The following IRF4 variants were observed in gnomAD, a reference collection of about 807,000 sequenced individuals.
IRF4 encodes the protein interferon regulatory factor 4.
In IRF4, 13 loss-of-function variants were observed where a neutral mutation model predicts 55.5. The ratio of observed to expected loss-of-function variants is 0.23; its 90% CI spans 0.15 to 0.37. The LOEUF (loss-of-function observed/expected upper bound fraction) is 0.37, where lower values mean the gene tolerates loss of function less well. Ranked by LOEUF, IRF4 falls within the 10% of genes least tolerant of loss-of-function variation. IRF4 has a pLI of 1.00. For missense variants in IRF4, 397 were observed against 593.8 expected, an observed-to-expected ratio of 0.67 and a Z score of 3.44; for synonymous variants, 249 against 240.7, an observed-to-expected ratio of 1.03 and a Z score of -0.32.
Position 404,637 on chromosome 6 carries a change from A to G in IRF4, c.1100-381A>G, listed in dbSNP as rs368433545. 3.6e-4 allele frequency among the ~76,000 whole-genome samples: 55 copies of G among 152,360 alleles called. 3 individuals are homozygous for G. Among genetic ancestry groups the G allele is most frequent in the African/African-American group, 1.3e-3 (52 of 41,578 alleles). ...TCGAAACATTCTGATTTTTTAAATG[A>G]AAACTTGTCCATGGCATAAATTGGT... On this transcript the variant is annotated intron_variant, in intron 7 of 8. Transcript: ENST00000380956.
intron 7 of IRF4, among the ~76,000 whole-genome samples, chr6:403,904 G>A (rs536433583): frequency 6.6e-6 from 1 of 151,954 alleles, no homozygotes; most frequent in South Asian, 2.1e-4. Context: ...TCACGGCAGT[G>A]TGAATGTATT....
chr6:404,969 C>A (rs372284220), intron 7 of IRF4, 49 bp from the exon 8 acceptor site: 35 of 1,166,240 alleles, frequency 3.0e-5, no homozygotes, highest in Non-Finnish European at 4.5e-5. Context: ...CTGGTGTGTT[C>A]GGTGATGAGG....
At chr6:391,951 C>T in intron 1 of IRF4, 142 bp downstream of exon 1, 1 of 431,340 alleles carries the variant, frequency 2.3e-6, no homozygotes, top group Non-Finnish European at 4.7e-6. Flanking sequence ...CGTCCTGGAG[C>T]TCCGACTCCC....
intron 2 of IRF4, among the ~76,000 whole-genome samples, chr6:394,118 G>T: frequency 6.6e-6 from 1 of 152,132 alleles, no homozygotes; most frequent in Admixed American, 6.5e-5. Context: ...AGGGGAAGGG[G>T]ACTTCCTCCG....
Position 400,978 on chromosome 6 carries a change from T to G in IRF4, c.746-446T>G, listed in dbSNP as rs184052347. Among the ~76,000 whole-genome samples, 67 of 152,286 alleles carry G rather than the reference T, an allele frequency of 4.4e-4. 1 individual carries two copies. In the East Asian group the frequency reaches 9.2e-3, roughly 21 times the overall value. On this transcript the variant is annotated intron_variant, in intron 6 of 8. Coordinates refer to ENST00000380956, the MANE Select transcript of IRF4 (RefSeq NM_002460.4). The stretch of plus-strand genomic sequence containing the variant: ...AAAAATTGATTTGCTTAAAGATGAA[T>G]TTTCATTCAGTGACACATGACTTAA...
At chr6:403,838 T>G (rs1761472790) in intron 7 of IRF4, among the ~76,000 whole-genome samples, 1 of 152,206 alleles carries the variant, frequency 6.6e-6, no homozygotes, top group African/African-American at 2.4e-5. Flanking sequence ...CCATGCTTTC[T>G]CAGAGAATTG....
Position 401,424 on chromosome 6 carries a change from A to T in IRF4, c.746A>T (p.Asp249Val). 6.2e-7 allele frequency: 1 copy of T among 1,609,966 alleles called. No homozygotes were observed. The highest frequency in any genetic ancestry group is 8.5e-7 in the Non-Finnish European group (1 of 1,178,530). The change falls in exon 7 of 9, where the codon GAC (aspartate) becomes GTC (valine). Residue 249 changes from aspartate to valine, a missense_variant and splice_region_variant. Physicochemically the swap from Asp to Val is radical, Grantham distance 152. Coordinates refer to ENST00000380956, the MANE Select transcript of IRF4 (RefSeq NM_002460.4). ...IRSAEALAFS[D>V]CRLHICLYYR... ...TGACTCCGGAGCTCTGTGTTTGCAG[A>T]CTGCCGGCTGCACATCTGCCTGTAC... is the stretch of plus-strand genomic sequence containing the variant.
intron 7 of IRF4, among the ~76,000 whole-genome samples, chr6:403,194 G>A (rs1010447244): frequency 6.6e-6 from 1 of 152,204 alleles, no homozygotes; most frequent in African/African-American, 2.4e-5. Flanking sequence ...TGGCCAGGGC[G>A]GTCCCATCCT....
intron 5 of IRF4, among the ~76,000 whole-genome samples, chr6:398,385 T>C (rs1471442136): frequency 1.3e-5 from 2 of 152,246 alleles, no homozygotes; most frequent in African/African-American, 4.8e-5. Flanking sequence ...CATGGTTCAG[T>C]GTTCTCCCAA....
chr6:393,425 C>CCG lies in IRF4; in HGVS notation c.216+57_216+58insCG. The stretch of plus-strand genomic sequence containing the variant: ...CCGGGGAGGGCCCAGAGACAGAGCC[C>CCG]GGGGTCCCCGGCGCCGCCTCCGAGG... On this transcript the variant is annotated intron_variant, in intron 2 of 8. Coordinates refer to ENST00000380956, the MANE Select transcript of IRF4 (RefSeq NM_002460.4). This position sits in a 1 kb window ranked among gnomAD's most constrained non-coding sequence, Gnocchi z 5.4. The CCG allele has an allele frequency of 1.2e-5, 5 of 420,536 alleles. No individual in the cohort carries two copies. Among genetic ancestry groups the CCG allele is most frequent in the Non-Finnish European group, 1.6e-5 (4 of 249,548 alleles). The allele number at this position is 420,536 out of a possible 1,614,324, so 26.1% of individuals were successfully genotyped here.
At chr6:401,899 A>G (rs866337341) in intron 7 of IRF4, 122 bp downstream of exon 7, 4 of 819,234 alleles carry the variant, frequency 4.9e-6, no homozygotes, top group Non-Finnish European at 5.9e-6. Context: ...TTCGGCGCCC[A>G]CTGGGCTTGG....
Position 393,063 on chromosome 6 carries a change from G to T in IRF4, c.-55-35G>T, listed in dbSNP as rs1288218782. The T allele has an allele frequency of 2.5e-6, 3 of 1,219,626 alleles. No individual in the cohort carries two copies. In the East Asian group the frequency reaches 7.9e-5, roughly 32 times the overall value. 75.6% of individuals were successfully genotyped at this position (1,219,626 alleles called of 1,614,324 possible). A position where few individuals can be genotyped will look rare whatever the true frequency, so the allele number is the denominator to read the frequency against. ...CGGGGCGGGGTGCCCGGAGTGCGGT[G>T]CCTCGTGGCTGAAGGGCAGCTCTTC... is the stretch of plus-strand genomic sequence containing the variant. On this transcript the variant is annotated intron_variant, in intron 1 of 8. Transcript: ENST00000380956. This position sits in a 1 kb window ranked among gnomAD's most constrained non-coding sequence, Gnocchi z 5.4.
Position 408,750 on chromosome 6 carries a change from C to CCGCT in IRF4, c.*1154_*1155insCTCG, listed in dbSNP as rs1761617880. On this transcript the variant is annotated 3_prime_UTR_variant, in exon 9 of 9. Coordinates refer to ENST00000380956, the MANE Select transcript of IRF4 (RefSeq NM_002460.4). ...CATGGCGACACTAAAGGAGGAGGAG[C>CCGCT]CGGGGACTCCCAGGCTGGAGAGCAC... 8.6e-6 allele frequency: 2 copies of CCGCT among 232,282 alleles called. No individual in the cohort carries two copies. The highest frequency in any genetic ancestry group is 1.7e-5 in the Non-Finnish European group (2 of 117,418). The allele number at this position is 232,282 out of a possible 1,614,324, so 14.4% of individuals were successfully genotyped here. A position where few individuals can be genotyped will look rare whatever the true frequency, so the allele number is the denominator to read the frequency against.
chr6:398,774 C>T (rs1029997920), intron 5 of IRF4, 54 bp from the exon 6 acceptor site: 18 of 1,325,210 alleles, frequency 1.4e-5, no homozygotes, highest in African/African-American at 5.8e-5. Context: ...GGAAGCCCCG[C>T]GGTGCGTCGG....
intron 8 of IRF4, among the ~76,000 whole-genome samples, chr6:407,181 T>G (rs910447752): frequency 1.1e-4 from 16 of 152,218 alleles, no homozygotes; most frequent in Non-Finnish European, 2.1e-4. Context: ...TGATGCAGTT[T>G]TAGTTAAATG....
At chr6:396,386 AC>A (rs1389697227) in intron 4 of IRF4, among the ~76,000 whole-genome samples, 1 of 152,256 alleles carries the variant, frequency 6.6e-6, no homozygotes, top group Non-Finnish European at 1.5e-5. Context: ...ATAAAACAGT[AC>A]AAGTATCTCC....
chr6:409,799 C>G lies in IRF4; in HGVS notation c.*2201C>G, dbSNP rs765074729. On this transcript the variant is annotated 3_prime_UTR_variant, in exon 9 of 9. Coordinates refer to ENST00000380956, the MANE Select transcript of IRF4 (RefSeq NM_002460.4). The stretch of plus-strand genomic sequence containing the variant: ...CCACACAGCACTTCAAAGAAGCTGT[C>G]TTGGAAGTCTGTCTCAGGAGCACCC... 6.4e-4 allele frequency: 144 copies of G among 225,026 alleles called. No individual in the cohort carries two copies. Among genetic ancestry groups the G allele is most frequent in the Middle Eastern group, 1.3e-3 (1 of 774 alleles). The allele number at this position is 225,026 out of a possible 1,614,324, so 13.9% of individuals were successfully genotyped here.
At chr6:397,298 G>A in intron 5 of IRF4, 46 bp downstream of exon 5, 1 of 1,606,676 alleles carries the variant, frequency 6.2e-7, no homozygotes, top group African/African-American at 1.3e-5. Context: ...AATTGCTAAT[G>A]TGGCCATGGG....
intron 1 of IRF4, among the ~76,000 whole-genome samples, chr6:392,574 G>A (rs1014545250): frequency 6.6e-6 from 1 of 152,268 alleles, no homozygotes; most frequent in Admixed American, 6.5e-5. Flanking sequence ...GGGTCTGGAT[G>A]CGAGCAGAGA....
Sources: gnomAD v4.1 joint callset for allele counts (sites outside exome capture counted in the v4.1 genomes callset) on GRCh38, gnomAD v4.1.1 for gene constraint, Gnocchi (gnomAD v3.1) non-coding constraint, MANE v1.5 for transcripts, NCBI Gene and HGNC (gene_info 2026-07-23, HGNC 2026-07-21) for gene names.